The following TNKS variants were observed in gnomAD, a reference collection of about 807,000 sequenced individuals.
TNKS encodes tankyrase.
TNKS carries 72 observed loss-of-function variants against 135.8 expected under a neutral mutation model. The ratio of observed to expected loss-of-function variants is 0.53; its 90% confidence interval spans 0.44 to 0.64. TNKS has a LOEUF of 0.64. TNKS is among the 30% of genes least tolerant of loss of function. The pLI, the probability that TNKS is intolerant of heterozygous loss-of-function variation, is 0.00. For synonymous variants in TNKS, 849 were observed against 649.3 expected, an observed-to-expected ratio of 1.31 and a Z score of -4.68; for missense variants, 1,769 against 1,674.0, an observed-to-expected ratio of 1.06 and a Z score of -0.99.
chr8:9,599,356 G>A (rs1798926097), intron 2 of TNKS, among the ~76,000 whole-genome samples: 1 of 152,162 alleles, frequency 6.6e-6, no homozygotes, highest in Admixed American at 6.5e-5. Flanking sequence ...GCCAAGCCGA[G>A]TTTGTATATA....
At chr8:9,577,673 CA>C (rs1329184553) in intron 1 of TNKS, among the ~76,000 whole-genome samples, 1 of 152,200 alleles carries the variant, frequency 6.6e-6, no homozygotes, top group Admixed American at 6.5e-5. Flanking sequence ...CCTCTTCTAA[CA>C]CTGGGGATCA....
intron 25 of TNKS, among the ~76,000 whole-genome samples, chr8:9,766,642 C>T (rs999480420): frequency 2.0e-5 from 3 of 152,168 alleles, no homozygotes; most frequent in East Asian, 1.9e-4. Context: ...CCTGCCACCA[C>T]GCCCAGCAAA....
At position 9,679,676 on chromosome 8, in the gene TNKS, G is replaced by C. The variant is rs963589682; in HGVS notation, c.995-275G>C. ...CTGGCATGCTGTTATCAGAGGGAAT[G>C]TGTTTCTGGACACGAGATTTAGCAT... On this transcript the variant is annotated intron_variant, in intron 3 of 26. Coordinates refer to ENST00000310430, the MANE Select transcript of TNKS (RefSeq NM_003747.3). 6 of 381,122 alleles carry C rather than the reference G, an allele frequency of 1.6e-5. No homozygotes were observed. The Admixed American group carries it at 2.3e-4, about 14-fold the overall frequency. The allele number at this position is 381,122 out of a possible 1,614,324, so 23.6% of individuals were successfully genotyped here. A position where few individuals can be genotyped will look rare whatever the true frequency, so the allele number is the denominator to read the frequency against.
At chr8:9,727,963 A>G (rs575129274) in intron 13 of TNKS, among the ~76,000 whole-genome samples, 1 of 152,228 alleles carries the variant, frequency 6.6e-6, no homozygotes, top group African/African-American at 2.4e-5. Flanking sequence ...ATGTATTCTA[A>G]TAAAAGAAAA....
intron 1 of TNKS, among the ~76,000 whole-genome samples, chr8:9,576,610 A>T (rs1033164935): frequency 1.6e-4 from 25 of 151,856 alleles, no homozygotes; most frequent in Admixed American, 2.6e-4. Flanking sequence ...GAATTCACTC[A>T]TGTGACAGCA....
At chr8:9,751,975 C>T (rs2128828577) in intron 19 of TNKS, 129 bp downstream of exon 19, 1 of 781,464 alleles carries the variant, frequency 1.3e-6, no homozygotes, top group Middle Eastern at 3.0e-4. Context: ...ATACACACAA[C>T]ATCTTACAAG....
intron 12 of TNKS, among the ~76,000 whole-genome samples, chr8:9,724,959 ACT>A (rs67328986): frequency 0.7 from 106,361 of 151,846 alleles, 37,788 homozygotes; most frequent in Admixed American, 0.8. Flanking sequence ...CTCAGTTATA[ACT>A]CTATATACAT....
At chr8:9,609,884 G>C (rs1482979934) in intron 2 of TNKS, among the ~76,000 whole-genome samples, 2 of 151,948 alleles carry the variant, frequency 1.3e-5, no homozygotes, top group African/African-American at 4.8e-5. Flanking sequence ...TTGAAGTGGA[G>C]TCTCGCTCTG....
chr8:9,627,218 C>G (rs1179443389), intron 3 of TNKS, among the ~76,000 whole-genome samples: 1 of 152,198 alleles, frequency 6.6e-6, no homozygotes, highest in African/African-American at 2.4e-5. Flanking sequence ...CTCCCCCTTC[C>G]CATCCCTTGC....
intron 3 of TNKS, among the ~76,000 whole-genome samples, chr8:9,615,925 T>G (rs990138393): frequency 4.6e-5 from 7 of 152,210 alleles, no homozygotes; most frequent in African/African-American, 1.7e-4. Flanking sequence ...CACTCGTATT[T>G]TAGTCATTTT....
intron 3 of TNKS, among the ~76,000 whole-genome samples, chr8:9,672,612 T>G (rs1802328157): frequency 1.3e-5 from 2 of 148,216 alleles, no homozygotes; most frequent in South Asian, 4.3e-4. Flanking sequence ...AATTTACTTT[T>G]CCTGATTTAA....
At chr8:9,631,485 A>C (rs1800285784) in intron 3 of TNKS, among the ~76,000 whole-genome samples, 1 of 152,250 alleles carries the variant, frequency 6.6e-6, no homozygotes, top group African/African-American at 2.4e-5. Context: ...TAGTAGAAGA[A>C]AATTTACTAA....
intron 20 of TNKS, among the ~76,000 whole-genome samples, chr8:9,753,417 C>G (rs1806655662): frequency 6.6e-6 from 1 of 152,108 alleles, no homozygotes; most frequent in Non-Finnish European, 1.5e-5. Flanking sequence ...AAAAGTTGGC[C>G]ATACATTCCA....
chr8:9,686,440 G>C lies in TNKS; in HGVS notation c.1107+5640G>C, dbSNP rs139203460. 4.6e-3 allele frequency among the ~76,000 whole-genome samples: 696 copies of C among 152,232 alleles called. 5 individuals are homozygous for C. Among genetic ancestry groups the C allele is most frequent in the Middle Eastern group, 0.01 (3 of 294 alleles). On this transcript the variant is annotated intron_variant, in intron 5 of 26. Transcript: ENST00000310430. ...CCACATAGAGCTGAAGACCTGCCCA[G>C]GTAATTCACTGCTGTTGGGGTGGTT...
chr8:9,606,888 C>CTT (rs954534317), intron 2 of TNKS, among the ~76,000 whole-genome samples: 14 of 152,008 alleles, frequency 9.2e-5, no homozygotes, highest in Non-Finnish European at 1.9e-4. Flanking sequence ...TGGTTTTAAG[C>CTT]TTTGTTAGTG....
In TNKS at chr8:9,708,354, C is replaced by T. The variant is rs554687334; in HGVS notation, c.1457-17C>T. The T allele has an allele frequency of 2.1e-5, 32 of 1,539,770 alleles. No individual in the cohort carries two copies. The Admixed American group carries it at 5.4e-4, about 26-fold the overall frequency. ...TTTTTACATCTTTTTTTATGTCAAC[C>T]ATTGTTTCATTGACAGATGAATTTA... On this transcript the variant is annotated splice_polypyrimidine_tract_variant and intron_variant, in intron 8 of 26. Coordinates refer to ENST00000310430, the MANE Select transcript of TNKS (RefSeq NM_003747.3).
chr8:9,655,067 C>A (rs186644884), intron 3 of TNKS, among the ~76,000 whole-genome samples: 4 of 152,198 alleles, frequency 2.6e-5, no homozygotes, highest in African/African-American at 4.8e-5. Flanking sequence ...ACTTTTCCAA[C>A]GGGCTTAATG....
chr8:9,723,159 T>C (rs1178537886), intron 12 of TNKS, among the ~76,000 whole-genome samples: 1 of 151,548 alleles, frequency 6.6e-6, no homozygotes, highest in African/African-American at 2.4e-5. Flanking sequence ...AAAAGGTTTT[T>C]TTTTTTTGTA....
rs140486363 is a variant in TNKS, at chr8:9,669,687, G to T, written c.995-10264G>T. Among the ~76,000 whole-genome samples, 692 of 152,008 alleles carry T rather than the reference G, an allele frequency of 4.6e-3. 5 individuals are homozygous for T. The highest frequency in any genetic ancestry group is 0.01 in the Middle Eastern group (3 of 294). ...TTGGACTTAATGGATATATTACCAC[G>T]GATTCAGACTTCACATATAGAGAAA... On this transcript the variant is annotated intron_variant, in intron 3 of 26. Transcript: ENST00000310430.
Sources: gnomAD v4.1 joint callset for allele counts (sites outside exome capture counted in the v4.1 genomes callset) on GRCh38, gnomAD v4.1.1 for gene constraint, MANE v1.5 for transcripts, NCBI Gene and HGNC (gene_info 2026-07-23, HGNC 2026-07-21) for gene names.